The following ABI2 variants were observed in gnomAD, a reference collection of about 807,000 sequenced individuals.
ABI2 encodes abl interactor 2.
In ABI2, 25 loss-of-function variants were observed where a neutral mutation model predicts 59.2. The observed-to-expected ratio is 0.42, with a 90% CI of 0.31 to 0.59. ABI2 has a LOEUF of 0.59. Among genes scored for constraint, ABI2 ranks in the 20% least tolerant of loss-of-function variants. The pLI is 0.14. For missense variants in ABI2, 545 were observed against 681.8 expected (o/e 0.80, Z 2.23); for synonymous variants, 213 against 235.5 (o/e 0.90, Z 0.87).
intron 1 of ABI2, among the ~76,000 whole-genome samples, chr2:203,343,875 A>G (rs1413610919): frequency 6.6e-6 from 1 of 152,136 alleles, no homozygotes; most frequent in Non-Finnish European, 1.5e-5. Flanking sequence ...CACACCTCTA[A>G]TCTCAGCACT....
In ABI2 at chr2:203,432,103, T is replaced by TTTAA. The variant is rs1186021708; in HGVS notation, c.*4754_*4757dup. 3 of 152,210 alleles carry TTTAA rather than the reference T, an allele frequency of 2.0e-5. No individual in the cohort carries two copies. The highest frequency in any genetic ancestry group is 4.2e-4 in the South Asian group (2 of 4,816). 9.4% of individuals were successfully genotyped at this position (152,210 alleles called of 1,614,324 possible). ...GTGGAGGAACATCACTTTTTAATTTTTTAATTGTATTTGGAATTGTTGCCG... is the reference window on the plus strand; with the variant it reads ...GTGGAGGAACATCACTTTTTAATTTTTTAATTAATTGTATTTGGAATTGTTGCCG... On this transcript the variant is annotated 3_prime_UTR_variant, in exon 12 of 12. Coordinates refer to ENST00000261018, the MANE Select transcript of ABI2 (RefSeq NM_001375670.1).
At chr2:203,334,776 T>G (rs2075687526) in intron 1 of ABI2, among the ~76,000 whole-genome samples, 1 of 152,022 alleles carries the variant, frequency 6.6e-6, no homozygotes, top group Non-Finnish European at 1.5e-5. Flanking sequence ...TTCTCCTGTC[T>G]CAGCTTCCTG....
chr2:203,340,158 G>C (rs193231552), intron 1 of ABI2, among the ~76,000 whole-genome samples: 1 of 152,236 alleles, frequency 6.6e-6, no homozygotes, highest in African/African-American at 2.4e-5. Context: ...CTTATATGAG[G>C]AATCTAAAAA....
intron 11 of ABI2, among the ~76,000 whole-genome samples, chr2:203,419,170 C>T (rs890419905): frequency 8.9e-5 from 12 of 135,206 alleles, no homozygotes; most frequent in African/African-American, 1.4e-4. Context: ...AGTGCAATGG[C>T]GTGATCTCAG....
rs372285056 is a variant in ABI2 at position 203,336,879 on chromosome 2, C to T, written c.117+8248C>T. Among the ~76,000 whole-genome samples, 13 of 152,278 alleles carry T rather than the reference C, an allele frequency of 8.5e-5. 1 individual carries two copies. In the East Asian group the frequency reaches 2.1e-3, roughly 25 times the overall value. On this transcript the variant is annotated intron_variant, in intron 1 of 11. Transcript: ENST00000261018. Reference sequence around the variant, plus strand: ...TTTATACAAATTGCCAAACTCTTTTCCAAAAACGATGGTACCGTTTTGCGT... The same window carrying T: ...TTTATACAAATTGCCAAACTCTTTTTCAAAAACGATGGTACCGTTTTGCGT...
At chr2:203,340,651 T>C (rs1276228501) in intron 1 of ABI2, among the ~76,000 whole-genome samples, 2 of 152,078 alleles carry the variant, frequency 1.3e-5, no homozygotes, top group South Asian at 2.1e-4. Context: ...AGCTACCATT[T>C]GCCTGGCTGA....
chr2:203,380,967 A>G (rs1263722232), intron 3 of ABI2, among the ~76,000 whole-genome samples: 1 of 152,166 alleles, frequency 6.6e-6, no homozygotes, highest in African/African-American at 2.4e-5. Context: ...TTTCATTTAA[A>G]TTGGTGTTTG....
At chr2:203,374,159 A>T (rs182989732) in intron 2 of ABI2, among the ~76,000 whole-genome samples, 1 of 152,246 alleles carries the variant, frequency 6.6e-6, no homozygotes, top group East Asian at 1.9e-4. Context: ...ACACTGTCTC[A>T]ACAACCCAAA....
Position 203,411,321 on chromosome 2 carries a change from T to C in ABI2, c.1229T>C (p.Val410Ala), listed in dbSNP as rs2097666877. 6.2e-7 allele frequency: 1 copy of C among 1,613,708 alleles called. No individual in the cohort carries two copies. The highest frequency in any genetic ancestry group is 1.3e-5 in the African/African-American group (1 of 74,916). ...LAPPPPSILQ[V>A]TPQLPLMGFV... is the part of the protein sequence containing the mutation. ...CCTCCTCCTCCCTCCATCCTACAGGTAACTCCTCAGTTACCTTTAATGGGA... is the reference window on the plus strand; with the variant it reads ...CCTCCTCCTCCCTCCATCCTACAGGCAACTCCTCAGTTACCTTTAATGGGA... Residue 410 changes from valine (V) to alanine (A), a missense_variant, in exon 10 of 12, where the codon GTA becomes GCA. Around this residue, in one of 4 missense-constraint regions of ABI2, gnomAD observed 410 missense variants for 435.6 expected, o/e 0.94. Transcript: ENST00000261018.
chr2:203,338,338 A>G (rs868057873), intron 1 of ABI2, among the ~76,000 whole-genome samples: 3 of 152,030 alleles, frequency 2.0e-5, no homozygotes, highest in Middle Eastern at 3.4e-3. Flanking sequence ...GTTCCCTTCA[A>G]ATCTCTTGTT....
intron 1 of ABI2, among the ~76,000 whole-genome samples, chr2:203,357,418 A>C (rs1310206320): frequency 6.6e-6 from 1 of 152,224 alleles, no homozygotes; most frequent in African/African-American, 2.4e-5. Flanking sequence ...GGTTTTACTC[A>C]AAATAGTCAA....
intron 1 of ABI2, among the ~76,000 whole-genome samples, chr2:203,331,848 C>T (rs1349625944): frequency 1.4e-5 from 2 of 146,878 alleles, no homozygotes; most frequent in South Asian, 2.1e-4. Context: ...TTCACTCTGT[C>T]GCCCAGGCTG....
At chr2:203,336,981 C>T (rs2076753288) in intron 1 of ABI2, among the ~76,000 whole-genome samples, 1 of 152,144 alleles carries the variant, frequency 6.6e-6, no homozygotes, top group African/African-American at 2.4e-5. Context: ...TTTAGCTATT[C>T]TCTTGTTAGT....
At chr2:203,400,337 C>G (rs1372490630) in intron 8 of ABI2, among the ~76,000 whole-genome samples, 1 of 151,916 alleles carries the variant, frequency 6.6e-6, no homozygotes, top group Non-Finnish European at 1.5e-5. Flanking sequence ...GATCCACCCG[C>G]CTCCACCTCC....
intron 2 of ABI2, chr2:203,376,075 T>G (rs1427517803): frequency 1.3e-6 from 2 of 1,535,106 alleles, no homozygotes; most frequent in Non-Finnish European, 1.7e-6. Context: ...GAGGCGTTGA[T>G]CTTGAGTCGA....
chr2:203,375,418 A>T (rs749136679), intron 2 of ABI2, among the ~76,000 whole-genome samples: 96 of 152,334 alleles, frequency 6.3e-4, no homozygotes, highest in Admixed American at 1.2e-3. Flanking sequence ...CTAGTAACTT[A>T]AAAAACCCAG....
chr2:203,384,303 T>G (rs1338678187), intron 4 of ABI2, among the ~76,000 whole-genome samples: 78 of 144,454 alleles, frequency 5.4e-4, no homozygotes, highest in African/African-American at 1.9e-3. Context: ...TTTTTTTTTT[T>G]TTTTTTTTTT....
chr2:203,355,839 A>C (rs1559202043), intron 1 of ABI2, among the ~76,000 whole-genome samples: 1 of 151,076 alleles, frequency 6.6e-6, no homozygotes, highest in East Asian at 1.9e-4. Flanking sequence ...CAAAAAAAAA[A>C]AAAAAAAAAA....
In ABI2 at chr2:203,372,674, G is replaced by A. The variant is rs1463334742; in HGVS notation, c.285+5630G>A. 3.5e-4 allele frequency among the ~76,000 whole-genome samples: 53 copies of A among 152,004 alleles called. 1 individual carries two copies. Among genetic ancestry groups the A allele is most frequent in the African/African-American group, 1.1e-3 (45 of 41,488 alleles). On this transcript the variant is annotated intron_variant, in intron 2 of 11. Coordinates refer to ENST00000261018, the MANE Select transcript of ABI2 (RefSeq NM_001375670.1). ...CAGAGGGGCTCCTCACTTCCCAGAC[G>A]GGGTGGCTGCCGGGCGTAGGGGCTC...
Sources: gnomAD v4.1 joint callset for allele counts (sites outside exome capture counted in the v4.1 genomes callset) on GRCh38, gnomAD v4.1.1 for gene constraint, gnomAD v4.1.1 regional missense constraint, MANE v1.5 for transcripts, NCBI Gene and HGNC (gene_info 2026-07-23, HGNC 2026-07-21) for gene names.